CFAP20DC: variants seen among roughly 807,000 people sequenced by gnomAD.
The protein encoded by CFAP20DC is protein CFAP20DC.
CFAP20DC carries 84 observed loss-of-function variants against 101.7 expected under a neutral mutation model. That is an observed-to-expected ratio of 0.83 (90% CI 0.69 to 0.99). The LOEUF (loss-of-function observed/expected upper bound fraction) is 0.99. CFAP20DC is among the 50% of genes least tolerant of loss of function. The probability of loss-of-function intolerance (pLI) is 0.00; values close to 1 mark genes in which losing one functional copy is unlikely to be tolerated. For missense variants in CFAP20DC, 1,007 were observed against 970.3 expected, an observed-to-expected ratio of 1.04 and a Z score of -0.50; for synonymous variants, 359 against 351.2, an observed-to-expected ratio of 1.02 and a Z score of -0.25.
Position 58,799,916 on chromosome 3 carries a change from T to C in CFAP20DC, c.2237+6479A>G, listed in dbSNP as rs17059849. On this transcript the variant is annotated intron_variant, in intron 15 of 16. Coordinates refer to ENST00000482387, the MANE Select transcript of CFAP20DC (RefSeq NM_001394063.1). This position sits in a 1 kb window ranked among gnomAD's most constrained non-coding sequence, Gnocchi z 4.9. The stretch of plus-strand genomic sequence containing the variant: ...AGAGGATGTTTATTTACGTGGAGAC[T>C]CTACTGACAGGGAGAGGCAGCTGGG... Among the ~76,000 whole-genome samples, 14,409 of 152,214 alleles carry C rather than the reference T, an allele frequency of 0.095. 1,150 individuals carry two copies. The highest frequency in any genetic ancestry group is 0.35 in the East Asian group (1,818 of 5,174).
intron 1 of CFAP20DC, among the ~76,000 whole-genome samples, chr3:59,049,240 C>T (rs1429569332): frequency 6.6e-6 from 1 of 152,178 alleles, no homozygotes; most frequent in Non-Finnish European, 1.5e-5. Flanking sequence ...TCTGAGATAC[C>T]AGTGTTGCAT....
chr3:58,829,160 T>C (rs974309576), intron 14 of CFAP20DC, among the ~76,000 whole-genome samples: 3 of 151,874 alleles, frequency 2.0e-5, no homozygotes, highest in Non-Finnish European at 2.9e-5. Context: ...GGTGAAATCC[T>C]GTCTCTACTA....
chr3:58,716,458 C>T (rs532734572), downstream of CFAP20DC, among the ~76,000 whole-genome samples: 4 of 152,014 alleles, frequency 2.6e-5, no homozygotes, highest in South Asian at 2.1e-4. Flanking sequence ...CCACCGCGCC[C>T]GGCCTGCAGT....
At chr3:58,909,726 T>C (rs1212516305) in intron 6 of CFAP20DC, among the ~76,000 whole-genome samples, 4 of 152,154 alleles carry the variant, frequency 2.6e-5, no homozygotes, top group South Asian at 4.1e-4. Flanking sequence ...TTAAATTAAG[T>C]TTAATTTAAT....
At position 58,866,691 on chromosome 3, in the gene CFAP20DC, T is replaced by G; in HGVS notation, c.1136-3A>C. On this transcript the variant is annotated splice_region_variant and splice_polypyrimidine_tract_variant and intron_variant, in intron 10 of 16. Transcript: ENST00000482387. ...CCTATTATTTCCTGAAGAGCTACCT[T>G]TATTGAGATAAATATTTTCCCTCTA... 1 of 1,534,458 alleles carries G rather than the reference T, an allele frequency of 6.5e-7. No individual in the cohort carries two copies. Among genetic ancestry groups the G allele is most frequent in the African/African-American group, 1.4e-5 (1 of 72,866 alleles).
intron 7 of CFAP20DC, among the ~76,000 whole-genome samples, chr3:58,871,391 A>G (rs1161250532): frequency 1.3e-5 from 2 of 152,172 alleles, no homozygotes; most frequent in Non-Finnish European, 2.9e-5. Context: ...AGAGAGAAAG[A>G]GAGCAAAACA....
At chr3:59,039,021 A>C (rs2094151500) in intron 4 of CFAP20DC, among the ~76,000 whole-genome samples, 1 of 152,134 alleles carries the variant, frequency 6.6e-6, no homozygotes, top group African/African-American at 2.4e-5. Context: ...TTCATTCTCA[A>C]TAACATCTCA....
In CFAP20DC at chr3:58,966,534, A is replaced by AT. The variant is rs57954252; in HGVS notation, c.279-28773dup. 4.7e-5 allele frequency among the ~76,000 whole-genome samples: 7 copies of AT among 147,980 alleles called. No individual in the cohort carries two copies. The East Asian group carries it at 9.8e-4, about 21-fold the overall frequency. The stretch of plus-strand genomic sequence containing the variant: ...TGTATATATATAAATATATATATAT[A>AT]TTTTTTTTAGACAGAGTCTCACTCT... On this transcript the variant is annotated intron_variant, in intron 4 of 16. Coordinates refer to ENST00000482387, the MANE Select transcript of CFAP20DC (RefSeq NM_001394063.1).
chr3:58,946,926 C>T (rs946161078), intron 4 of CFAP20DC, among the ~76,000 whole-genome samples: 1 of 152,180 alleles, frequency 6.6e-6, no homozygotes, highest in South Asian at 2.1e-4. Flanking sequence ...ATTTATTCCT[C>T]CCAACAACTC....
intron 6 of CFAP20DC, among the ~76,000 whole-genome samples, chr3:58,898,717 T>C (rs1329552425): frequency 2.0e-5 from 3 of 152,206 alleles, no homozygotes; most frequent in Non-Finnish European, 2.9e-5. Flanking sequence ...TCCCATTTTG[T>C]GCCATTGCTG....
chr3:58,915,273 G>C (rs145765359), intron 5 of CFAP20DC, among the ~76,000 whole-genome samples: 227 of 152,252 alleles, frequency 1.5e-3, no homozygotes, highest in Middle Eastern at 0.01. Context: ...GTAGGAAGTA[G>C]AGTGTAAGGG....
rs186696066 is a variant in CFAP20DC at position 58,728,743 on chromosome 3, T to C, written c.198-11115A>G. On this transcript the variant is annotated intron_variant, in intron 3 of 3. Transcript: ENST00000486145. The surrounding 1 kb of genome is among the most constrained non-coding windows in gnomAD (Gnocchi z 4.7). ...GGAGAGAACTGACATTTTAATAATA[T>C]TGATTCTTCTCATCTATGAACATGG... Among the ~76,000 whole-genome samples, 123 of 152,326 alleles carry C rather than the reference T, an allele frequency of 8.1e-4. No homozygotes were observed. The highest frequency in any genetic ancestry group is 3.4e-3 in the Middle Eastern group (1 of 294).
At chr3:58,751,861 A>T (rs1185348413) in intron 16 of CFAP20DC, among the ~76,000 whole-genome samples, 1 of 135,572 alleles carries the variant, frequency 7.4e-6, no homozygotes, top group Non-Finnish European at 1.6e-5. Context: ...ACACACACAC[A>T]CACACAAAAT....
chr3:58,975,025 AAC>A (rs1379157784), intron 4 of CFAP20DC, among the ~76,000 whole-genome samples: 1 of 152,156 alleles, frequency 6.6e-6, no homozygotes, highest in Non-Finnish European at 1.5e-5. Context: ...GAGTTCGGCA[AAC>A]ACAGTTTCTT....
At chr3:59,025,678 C>G (rs532040233) in intron 4 of CFAP20DC, among the ~76,000 whole-genome samples, 1 of 152,202 alleles carries the variant, frequency 6.6e-6, no homozygotes, top group African/African-American at 2.4e-5. Flanking sequence ...GAGCCAGTAA[C>G]TCCCTAGTCT....
chr3:59,033,115 T>C (rs560065323), intron 4 of CFAP20DC, among the ~76,000 whole-genome samples: 1 of 152,048 alleles, frequency 6.6e-6, no homozygotes, highest in Non-Finnish European at 1.5e-5. Context: ...GGCCTGACTG[T>C]TAGAAGAAAA....
intron 4 of CFAP20DC, among the ~76,000 whole-genome samples, chr3:58,946,747 G>A (rs2089422795): frequency 6.6e-6 from 1 of 152,158 alleles, no homozygotes; most frequent in Non-Finnish European, 1.5e-5. Flanking sequence ...GCAGAAGAAA[G>A]CCAAGATTGG....
intron 15 of CFAP20DC, among the ~76,000 whole-genome samples, chr3:58,802,873 A>G (rs2073810170): frequency 6.6e-6 from 1 of 152,146 alleles, no homozygotes; most frequent in Non-Finnish European, 1.5e-5. Context: ...AAAAATTAAG[A>G]AGATAGTTAT....
Position 59,039,582 on chromosome 3 carries a change from C to T in CFAP20DC, c.253G>A (p.Gly85Arg), listed in dbSNP as rs937236009. 9.2e-6 allele frequency: 14 copies of T among 1,526,396 alleles called. No individual in the cohort carries two copies. In the Admixed American group the frequency reaches 1.6e-4, roughly 18 times the overall value. 94.6% of individuals were successfully genotyped at this position (1,526,396 alleles called of 1,614,324 possible). A position where few individuals can be genotyped will look rare whatever the true frequency, so the allele number is the denominator to read the frequency against. ...FLVLQIYVPLGQDFSTELLIT... is the reference protein window; with the variant it reads ...FLVLQIYVPLRQDFSTELLIT... ...AGCAATTCAGTGGAGAAGTCTTGTCCCAGGGGTACGTAAATCTGAAGTACA... is the reference window on the plus strand; with the variant it reads ...AGCAATTCAGTGGAGAAGTCTTGTCTCAGGGGTACGTAAATCTGAAGTACA... The change falls in exon 4 of 17, where the codon GGA (glycine) becomes AGA (arginine). Residue 85 changes from glycine to arginine, a missense_variant. Physicochemically the swap from Gly to Arg is moderately radical, Grantham distance 125. Transcript: ENST00000482387.
Sources: gnomAD v4.1 joint callset for allele counts (sites outside exome capture counted in the v4.1 genomes callset) on GRCh38, gnomAD v4.1.1 for gene constraint, Gnocchi (gnomAD v3.1) non-coding constraint, MANE v1.5 for transcripts, NCBI Gene and HGNC (gene_info 2026-07-23, HGNC 2026-07-21) for gene names.